The following SORCS1 variants were observed in gnomAD, a reference collection of about 807,000 sequenced individuals.
The protein encoded by SORCS1 is VPS10 domain-containing receptor SorCS1.
SORCS1 carries 60 observed loss-of-function variants against 146.1 expected under a neutral mutation model. The observed-to-expected ratio is 0.41, with a 90% CI of 0.33 to 0.51. The LOEUF (loss-of-function observed/expected upper bound fraction) is 0.51. SORCS1 is among the 20% of genes least tolerant of loss of function. The pLI is 0.21. For synonymous variants in SORCS1, 637 were observed against 584.0 expected, an observed-to-expected ratio of 1.09 and a Z score of -1.31; for missense variants, 1,352 against 1,487.6, an observed-to-expected ratio of 0.91 and a Z score of 1.50.
At chr10:106,952,505 T>G (rs893926501) in intron 2 of SORCS1, among the ~76,000 whole-genome samples, 1 of 150,756 alleles carries the variant, frequency 6.6e-6, no homozygotes, top group African/African-American at 2.4e-5. Flanking sequence ...CTGTGAGCTG[T>G]TCAAAAGTCC....
At chr10:107,168,651 T>C (rs1397922455), upstream of SORCS1, among the ~76,000 whole-genome samples, 2 of 146,258 alleles carry the variant, frequency 1.4e-5, no homozygotes, top group Non-Finnish European at 3.0e-5. Flanking sequence ...GGAGTTTAAA[T>C]GTACCAGCTC....
At position 106,642,191 on chromosome 10, in the gene SORCS1, G is replaced by A. The variant is rs535167099; in HGVS notation, c.2475+10191C>T. ...GTCCGTAAGCCAACCTAGCTCCATCGAAGGAAGACAAGACTGTAGGAGAAA... is the reference window on the plus strand; with the variant it reads ...GTCCGTAAGCCAACCTAGCTCCATCAAAGGAAGACAAGACTGTAGGAGAAA... On this transcript the variant is annotated intron_variant, in intron 18 of 25. Coordinates refer to ENST00000263054, the MANE Select transcript of SORCS1 (RefSeq NM_052918.5). Among the ~76,000 whole-genome samples, 7 of 152,280 alleles carry A rather than the reference G, an allele frequency of 4.6e-5. No homozygotes were observed. In the South Asian group the frequency reaches 8.3e-4, roughly 18 times the overall value.
chr10:106,919,660 C>T (rs73376995), intron 2 of SORCS1, among the ~76,000 whole-genome samples: 1 of 152,150 alleles, frequency 6.6e-6, no homozygotes, highest in South Asian at 2.1e-4. Context: ...TAGTAAATGT[C>T]ATGAAACTAC....
intron 2 of SORCS1, among the ~76,000 whole-genome samples, chr10:106,902,526 A>C (rs1227554084): frequency 6.6e-6 from 1 of 152,258 alleles, no homozygotes; most frequent in African/African-American, 2.4e-5. Flanking sequence ...GAGAGCTTAA[A>C]AAATGCACGG....
chr10:106,676,673 C>G (rs1852052718), intron 13 of SORCS1, among the ~76,000 whole-genome samples: 1 of 152,136 alleles, frequency 6.6e-6, no homozygotes, highest in Non-Finnish European at 1.5e-5. Context: ...TTTCCTACCT[C>G]CACTGTTCTA....
At chr10:106,613,510 AG>A (rs1430481282) in intron 21 of SORCS1, among the ~76,000 whole-genome samples, 1 of 152,284 alleles carries the variant, frequency 6.6e-6, no homozygotes, top group South Asian at 2.1e-4. Context: ...TGTCATTGGC[AG>A]GGTAAGTCCC....
chr10:106,616,099 C>T (rs1196204642), intron 21 of SORCS1, among the ~76,000 whole-genome samples: 1 of 152,102 alleles, frequency 6.6e-6, no homozygotes, highest in Non-Finnish European at 1.5e-5. Context: ...ATATTTGTCA[C>T]CAATCAGCAG....
At chr10:107,025,403 T>C (rs1424452724) in intron 1 of SORCS1, among the ~76,000 whole-genome samples, 1 of 152,188 alleles carries the variant, frequency 6.6e-6, no homozygotes, top group Non-Finnish European at 1.5e-5. Flanking sequence ...TGGCCTTTCA[T>C]GGATAGTGCC....
intron 2 of SORCS1, among the ~76,000 whole-genome samples, chr10:106,943,231 C>T (rs1954142251): frequency 6.6e-6 from 1 of 152,108 alleles, no homozygotes; most frequent in African/African-American, 2.4e-5. Context: ...TCACTTGTTC[C>T]TCTGCCTAAT....
chr10:106,651,888 T>A (rs948661753), intron 18 of SORCS1, among the ~76,000 whole-genome samples: 2 of 152,230 alleles, frequency 1.3e-5, no homozygotes, highest in Admixed American at 6.5e-5. Context: ...TGCTACACAA[T>A]ACAAACTCTT....
chr10:106,761,504 G>T, intron 5 of SORCS1, 84 bp downstream of exon 5: 1 of 1,195,020 alleles, frequency 8.4e-7, no homozygotes, highest in Non-Finnish European at 1.2e-6. Context: ...GAGCACTGGT[G>T]AGAACAAGAT....
intron 2 of SORCS1, among the ~76,000 whole-genome samples, chr10:106,899,753 C>G (rs951644522): frequency 3.3e-5 from 5 of 152,038 alleles, no homozygotes; most frequent in African/African-American, 9.7e-5. Context: ...AAGATAGATT[C>G]AAAATCCCTT....
chr10:106,927,729 C>G (rs904282662), intron 2 of SORCS1, among the ~76,000 whole-genome samples: 20 of 152,172 alleles, frequency 1.3e-4, no homozygotes, highest in African/African-American at 4.8e-4. Context: ...CAAAGGTTCT[C>G]CAAGTCCCCA....
chr10:106,630,115 C>T (rs558529851), intron 18 of SORCS1, among the ~76,000 whole-genome samples: 11 of 152,248 alleles, frequency 7.2e-5, no homozygotes, highest in African/African-American at 2.6e-4. Context: ...ATGGACCACT[C>T]CACTTCCTGT....
intron 1 of SORCS1, among the ~76,000 whole-genome samples, chr10:107,028,777 C>T (rs1490327105): frequency 6.6e-6 from 1 of 152,192 alleles, no homozygotes; most frequent in Non-Finnish European, 1.5e-5. Context: ...GTAAGCAATT[C>T]AGTCTCTCAT....
chr10:106,580,209 G>C (rs1023045607), intron 24 of SORCS1, among the ~76,000 whole-genome samples: 1 of 152,096 alleles, frequency 6.6e-6, no homozygotes, highest in Admixed American at 6.5e-5. Context: ...GGGTAGCCGC[G>C]GAGATGCTGA....
chr10:106,685,039 C>T (rs991002354), intron 10 of SORCS1, among the ~76,000 whole-genome samples: 3 of 152,260 alleles, frequency 2.0e-5, no homozygotes, highest in Non-Finnish European at 4.4e-5. Context: ...GGAAAACTCC[C>T]GAGTTCCATA....
At chr10:106,707,730 G>A (rs1031094597) in intron 7 of SORCS1, among the ~76,000 whole-genome samples, 1 of 152,048 alleles carries the variant, frequency 6.6e-6, no homozygotes, top group Non-Finnish European at 1.5e-5. Flanking sequence ...ACAGAGGGCA[G>A]GTAGAGAGGG....
chr10:106,852,678 C>G (rs983988768), intron 2 of SORCS1, among the ~76,000 whole-genome samples: 1 of 150,654 alleles, frequency 6.6e-6, no homozygotes, highest in African/African-American at 2.4e-5. Context: ...TTCCCGCTAT[C>G]CTTAGGTTGC....
Sources: gnomAD v4.1 joint callset for allele counts (sites outside exome capture counted in the v4.1 genomes callset) on GRCh38, gnomAD v4.1.1 for gene constraint, MANE v1.5 for transcripts, NCBI Gene and HGNC (gene_info 2026-07-23, HGNC 2026-07-21) for gene names.